LARGE1: variants seen among roughly 807,000 people sequenced by gnomAD.
LARGE1 encodes LARGE xylosyl- and glucuronyltransferase 1.
In LARGE1, 43 loss-of-function variants were observed where a neutral mutation model predicts 87.6. The observed-to-expected ratio is 0.49, with a 90% confidence interval of 0.38 to 0.63. The LOEUF (loss-of-function observed/expected upper bound fraction) is 0.63. Ranked by LOEUF, LARGE1 falls within the 30% of genes least tolerant of loss-of-function variation. The pLI, the probability that LARGE1 is intolerant of heterozygous loss-of-function variation, is 0.00. For missense variants in LARGE1, 802 were observed against 1,000.2 expected (o/e 0.80, Z 2.67); for synonymous variants, 434 against 394.6 (o/e 1.10, Z -1.18).
At chr22:33,182,326 T>C (rs1923215647) in intron 11 of LARGE1, among the ~76,000 whole-genome samples, 1 of 152,194 alleles carries the variant, frequency 6.6e-6, no homozygotes, top group Admixed American at 6.5e-5. Flanking sequence ...CTAAAAACTT[T>C]TTGTACTCAA....
chr22:33,263,653 G>T (rs112791373), intron 11 of LARGE1, among the ~76,000 whole-genome samples: 1 of 152,222 alleles, frequency 6.6e-6, no homozygotes, highest in Non-Finnish European at 1.5e-5. Flanking sequence ...AAGAGCCTGA[G>T]CACAGGTCTG....
At chr22:33,696,341 C>T (rs543854179) in intron 2 of LARGE1, among the ~76,000 whole-genome samples, 16 of 150,642 alleles carry the variant, frequency 1.1e-4, no homozygotes, top group South Asian at 1.0e-3. Flanking sequence ...CGGCTCAATG[C>T]AACCTCTGCC....
At chr22:33,862,765 T>C (rs2063969960) in intron 1 of LARGE1, among the ~76,000 whole-genome samples, 2 of 152,104 alleles carry the variant, frequency 1.3e-5, no homozygotes, top group Non-Finnish European at 2.9e-5. Context: ...GAGAGCTGTG[T>C]TTTCATTGAC....
chr22:33,555,892 T>C (rs983998757), intron 6 of LARGE1, among the ~76,000 whole-genome samples: 1 of 146,296 alleles, frequency 6.8e-6, no homozygotes, highest in Non-Finnish European at 1.5e-5. Context: ...ATCACGCCAC[T>C]GCACTCTAGA....
intron 6 of LARGE1, among the ~76,000 whole-genome samples, chr22:33,451,099 A>G (rs1316495922): frequency 1.3e-5 from 2 of 152,158 alleles, no homozygotes; most frequent in Non-Finnish European, 2.9e-5. Flanking sequence ...CACAGCTACA[A>G]TGGCCAGCTA....
chr22:33,669,681 G>A (rs577552277), intron 2 of LARGE1, among the ~76,000 whole-genome samples: 4 of 152,292 alleles, frequency 2.6e-5, no homozygotes, highest in East Asian at 1.9e-4. Context: ...CTGGAGCTGC[G>A]CCAGAGTCCC....
chr22:33,388,082 T>TGAA (rs1169546047), intron 7 of LARGE1, among the ~76,000 whole-genome samples: 1 of 152,244 alleles, frequency 6.6e-6, no homozygotes. Context: ...TTTCCTATTC[T>TGAA]AACTTGCCTT....
At chr22:33,277,013 G>A in intron 14 of LARGE1, 47 bp downstream of exon 14, 10 of 1,565,052 alleles carry the variant, frequency 6.4e-6, no homozygotes, top group Non-Finnish European at 7.9e-6. Flanking sequence ...TAGGATCTAG[G>A]CCTCTCCCCC....
At chr22:33,850,288 G>C (rs573274127) in intron 1 of LARGE1, among the ~76,000 whole-genome samples, 9 of 152,076 alleles carry the variant, frequency 5.9e-5, no homozygotes, top group Non-Finnish European at 1.2e-4. Flanking sequence ...TCTAAAAGAC[G>C]AGTGTTCTAG....
chr22:33,898,868 C>T (rs959695629), intron 1 of LARGE1, among the ~76,000 whole-genome samples: 5 of 152,216 alleles, frequency 3.3e-5, no homozygotes, highest in African/African-American at 1.2e-4. Context: ...AGAAATGTTC[C>T]CTCCTGCCTC....
chr22:33,605,386 C>A (rs9621725), intron 4 of LARGE1, among the ~76,000 whole-genome samples: 1,569 of 152,254 alleles, frequency 0.01, 28 homozygotes, highest in African/African-American at 0.036. Context: ...AAGGGCAAAA[C>A]TTCCGGAGTT....
intron 9 of LARGE1, among the ~76,000 whole-genome samples, chr22:33,368,734 G>GAAT (rs1242762524): frequency 6.6e-6 from 1 of 151,934 alleles, no homozygotes; most frequent in Non-Finnish European, 1.5e-5. Context: ...GTAATAAAGT[G>GAAT]AATACCACAT....
intron 11 of LARGE1, among the ~76,000 whole-genome samples, chr22:33,246,801 G>T (rs1295582579): frequency 6.6e-6 from 1 of 152,128 alleles, no homozygotes; most frequent in African/African-American, 2.4e-5. Flanking sequence ...CATAGAGTGT[G>T]GTCAACAACT....
chr22:33,534,870 C>T (rs148477501), intron 6 of LARGE1, among the ~76,000 whole-genome samples: 2 of 152,320 alleles, frequency 1.3e-5, no homozygotes, highest in East Asian at 3.9e-4. Context: ...GTAAAACCCC[C>T]AAAAGATACT....
chr22:33,263,422 G>GTGC (rs1927754878), intron 11 of LARGE1, among the ~76,000 whole-genome samples: 2 of 152,240 alleles, frequency 1.3e-5, no homozygotes, highest in South Asian at 4.1e-4. Context: ...CTTTGAAGAG[G>GTGC]TGAGCTGCTA....
At chr22:33,502,549 C>G (rs2070506966) in intron 6 of LARGE1, among the ~76,000 whole-genome samples, 1 of 151,922 alleles carries the variant, frequency 6.6e-6, no homozygotes, top group Non-Finnish European at 1.5e-5. Flanking sequence ...CCACCCACCT[C>G]TGCGTATCCT....
At chr22:33,071,914 G>C in the LARGE1 span, among the ~76,000 whole-genome samples, 3 of 152,114 alleles carry the variant, frequency 2.0e-5, no homozygotes, top group African/African-American at 7.2e-5. Context: ...TCCCACGTGG[G>C]GCTATCAAGC....
intron 1 of LARGE1, among the ~76,000 whole-genome samples, chr22:33,786,549 C>G (rs946864901): frequency 6.6e-6 from 1 of 152,080 alleles, no homozygotes; most frequent in Non-Finnish European, 1.5e-5. Context: ...AGGTTGGGGA[C>G]CTCTCTCTCT....
chr22:33,525,624 T>G (rs2071849687), intron 6 of LARGE1, among the ~76,000 whole-genome samples: 1 of 152,118 alleles, frequency 6.6e-6, no homozygotes, highest in South Asian at 2.1e-4. Context: ...AGGTGACCCG[T>G]AAGTCCTGGG....
Sources: allele counts gnomAD v4.1 joint callset (sites outside exome capture counted in the v4.1 genomes callset), GRCh38; gene constraint gnomAD v4.1.1; transcripts MANE v1.5; gene names NCBI Gene and HGNC (gene_info 2026-07-23, HGNC 2026-07-21).